PAFAH1B1: variants seen among roughly 807,000 people sequenced by gnomAD.
PAFAH1B1 encodes platelet-activating factor acetylhydrolase IB subunit beta.
A neutral mutation model predicts 57.5 loss-of-function variants in PAFAH1B1; 2 were observed. The observed-to-expected ratio is 0.03, with a 90% confidence interval of 0.01 to 0.11. The LOEUF is 0.11. PAFAH1B1 is among the 10% of genes least tolerant of loss of function. The pLI is 1.00. For synonymous variants in PAFAH1B1, 152 were observed against 169.6 expected (o/e 0.90, Z 0.81); for missense variants, 257 against 512.0 (o/e 0.50, Z 4.81).
chr17:2,634,589 AGACCTCTGTCATCTGTAACCTTCATTACT>A (rs2068598047), intron 1 of PAFAH1B1, among the ~76,000 whole-genome samples: 1 of 152,136 alleles, frequency 6.6e-6, no homozygotes, highest in Admixed American at 6.6e-5. Context: ...GTCCTAATGT[AGACCTCTGTCATCTGTAACCTTCATTACT>A]GTAAGCTTCC....
chr17:2,642,970 A>G (rs572680613), intron 2 of PAFAH1B1, among the ~76,000 whole-genome samples: 94 of 151,812 alleles, frequency 6.2e-4, no homozygotes, highest in African/African-American at 2.2e-3. Flanking sequence ...GTTACCCCCA[A>G]CTCCTTTCAT....
At chr17:2,668,342 C>T (rs1008298127) in intron 5 of PAFAH1B1, among the ~76,000 whole-genome samples, 3 of 151,518 alleles carry the variant, frequency 2.0e-5, no homozygotes, top group Non-Finnish European at 2.9e-5. Flanking sequence ...TTACAACTAA[C>T]CAAATAGTAA....
chr17:2,679,325 TATGGATGGATAGATGG>T (rs1205758283), intron 9 of PAFAH1B1, among the ~76,000 whole-genome samples: 4 of 152,030 alleles, frequency 2.6e-5, no homozygotes, highest in Non-Finnish European at 5.9e-5. Flanking sequence ...ACAGGGGAAA[TATGGATGGATAGATGG>T]ATGGATGATT....
Position 2,683,594 on chromosome 17 carries a change from G to T in PAFAH1B1, c.*1792G>T, listed in dbSNP as rs2069419887. 6.6e-6 allele frequency: 1 copy of T among 152,348 alleles called. No homozygotes were observed. Among genetic ancestry groups the T allele is most frequent in the African/African-American group, 2.4e-5 (1 of 41,428 alleles). 9.4% of individuals were successfully genotyped at this position (152,348 alleles called of 1,614,324 possible). A position where few individuals can be genotyped will look rare whatever the true frequency, so the allele number is the denominator to read the frequency against. ...TTTGCTTGTTTGTTTTTAGATTCCT[G>T]AGAGATGTCTCTGGAAGGGAAAGTT... On this transcript the variant is annotated 3_prime_UTR_variant, in exon 11 of 11. Transcript: ENST00000397195.
At chr17:2,614,407 A>G (rs2068311914) in intron 1 of PAFAH1B1, among the ~76,000 whole-genome samples, 1 of 152,176 alleles carries the variant, frequency 6.6e-6, no homozygotes, top group South Asian at 2.1e-4. Context: ...AACCTAAAAT[A>G]CTTACTATCT....
At position 2,654,951 on chromosome 17, in the gene PAFAH1B1, C is replaced by T. The variant is rs985008231; in HGVS notation, c.33-10421C>T. ...GCCACCCTGCGTGGCTTTTTTTTTT[C>T]TTCTTTTTTTTTTTTTTAAAAGAGA... On this transcript the variant is annotated intron_variant, in intron 2 of 10. Transcript: ENST00000397195. Among the ~76,000 whole-genome samples the T allele has an allele frequency of 7.7e-5, 11 of 141,958 alleles. No individual in the cohort carries two copies. In the East Asian group the frequency reaches 1.6e-3, roughly 21 times the overall value. The allele number at this position is 141,958 out of a possible 152,430, so 93.1% of individuals were successfully genotyped here. A position where few individuals can be genotyped will look rare whatever the true frequency, so the allele number is the denominator to read the frequency against.
intron 10 of PAFAH1B1, 196 bp from the exon 11 acceptor site, chr17:2,681,533 A>G: frequency 3.5e-6 from 2 of 571,592 alleles, no homozygotes; most frequent in South Asian, 4.1e-5. Flanking sequence ...TGGTGCAGTC[A>G]TGGCTCGCTG....
At chr17:2,637,245 A>AT (rs2068636488) in intron 1 of PAFAH1B1, among the ~76,000 whole-genome samples, 1 of 152,122 alleles carries the variant, frequency 6.6e-6, no homozygotes, top group Admixed American at 6.6e-5. Context: ...TTCCAATCAA[A>AT]TTTTATATAT....
intron 1 of PAFAH1B1, among the ~76,000 whole-genome samples, chr17:2,594,212 C>A (rs939844873): frequency 6.6e-6 from 1 of 152,148 alleles, no homozygotes; most frequent in Non-Finnish European, 1.5e-5. Context: ...AGTGAGAGAC[C>A]CGGAGGAGGG....
chr17:2,664,684 C>CTT (rs1567554152), intron 2 of PAFAH1B1, among the ~76,000 whole-genome samples: 1 of 128,716 alleles, frequency 7.8e-6, no homozygotes, highest in African/African-American at 2.6e-5. Flanking sequence ...CTCTCTCTCT[C>CTT]TCTCTCTCTT....
chr17:2,607,925 ATAG>A (rs1225558045), intron 1 of PAFAH1B1, among the ~76,000 whole-genome samples: 13 of 152,202 alleles, frequency 8.5e-5, no homozygotes, highest in Non-Finnish European at 7.3e-5. Context: ...TAAACAATAT[ATAG>A]TAGTGCTTTA....
chr17:2,643,721 C>T (rs62068221), intron 2 of PAFAH1B1, among the ~76,000 whole-genome samples: 2 of 151,890 alleles, frequency 1.3e-5, no homozygotes, highest in Admixed American at 6.6e-5. Flanking sequence ...CACCACACCC[C>T]GCTAATTTTT....
intron 1 of PAFAH1B1, among the ~76,000 whole-genome samples, chr17:2,622,373 G>T (rs940622912): frequency 4.6e-5 from 7 of 152,172 alleles, no homozygotes; most frequent in African/African-American, 1.4e-4. Flanking sequence ...AGATACAATG[G>T]GGGTATAGGT....
At chr17:2,640,387 T>C (rs946498785) in intron 2 of PAFAH1B1, 6 of 151,706 alleles carry the variant, frequency 4.0e-5, no homozygotes, top group African/African-American at 1.5e-4. Flanking sequence ...TTTTTTTTTT[T>C]TTTTGACCTT....
intron 9 of PAFAH1B1, 189 bp from the exon 10 acceptor site, chr17:2,679,975 G>A (rs2069352972): frequency 3.3e-6 from 2 of 609,246 alleles, no homozygotes; most frequent in Non-Finnish European, 5.8e-6. Flanking sequence ...ACCCAGTCAG[G>A]GATCGTACGT....
At chr17:2,615,173 T>G (rs2068322574) in intron 1 of PAFAH1B1, among the ~76,000 whole-genome samples, 1 of 152,164 alleles carries the variant, frequency 6.6e-6, no homozygotes, top group Non-Finnish European at 1.5e-5. Flanking sequence ...TTCTAAGTAA[T>G]CTAGAGATGA....
At chr17:2,623,313 G>A (rs1278299846) in intron 1 of PAFAH1B1, among the ~76,000 whole-genome samples, 18 of 143,374 alleles carry the variant, frequency 1.3e-4, no homozygotes, top group African/African-American at 3.9e-4. Flanking sequence ...TCTGTCGCCC[G>A]GGCTGGAGTG....
intron 8 of PAFAH1B1, among the ~76,000 whole-genome samples, chr17:2,675,154 C>T (rs2069243275): frequency 6.6e-6 from 1 of 152,176 alleles, no homozygotes; most frequent in Middle Eastern, 3.4e-3. Flanking sequence ...GATGCATGTA[C>T]CACCCTGCCA....
At chr17:2,650,899 A>C (rs2068840834) in intron 2 of PAFAH1B1, among the ~76,000 whole-genome samples, 1 of 152,158 alleles carries the variant, frequency 6.6e-6, no homozygotes, top group South Asian at 2.1e-4. Flanking sequence ...TAGGGTACTG[A>C]GTCACCCATG....
Sources: allele counts gnomAD v4.1 joint callset (sites outside exome capture counted in the v4.1 genomes callset), GRCh38; gene constraint gnomAD v4.1.1; transcripts MANE v1.5; gene names NCBI Gene and HGNC (gene_info 2026-07-23, HGNC 2026-07-21).